Variants in ZNF285 observed in about 807,000 individuals in gnomAD.
The protein encoded by ZNF285 is zinc finger protein 285A.
A neutral mutation model predicts 6.2 loss-of-function variants in ZNF285; 4 were observed. The observed-to-expected ratio is 0.65, with a 90% CI of 0.32 to 1.49. The LOEUF is 1.49. Among genes scored for constraint, ZNF285 ranks in the 40% most tolerant of loss-of-function variants. The pLI, the probability that ZNF285 is intolerant of heterozygous loss-of-function variation, is 0.07. For synonymous variants in ZNF285, 240 were observed against 245.8 expected (o/e 0.98, Z 0.22); for missense variants, 695 against 708.8 (o/e 0.98, Z 0.22).
chr19:44,386,594 G>T lies in ZNF285; in HGVS notation c.1651C>A (p.Arg551Ser). 6.2e-7 allele frequency: 1 copy of T among 1,614,066 alleles called. No individual in the cohort carries two copies. Residue 551 changes from arginine to serine, a missense_variant, in exon 4 of 4, where the codon CGT becomes AGT. By Grantham distance (110) the Arg-to-Ser change is moderately radical. Coordinates refer to ENST00000614994, the MANE Select transcript of ZNF285 (RefSeq NM_152354.6). Reference sequence around the variant, plus strand: ...TGATGGGCAAGGAGGTATGAATTACGACTGAAGCCCTTACCACATGCCTTA... The same window carrying T: ...TGATGGGCAAGGAGGTATGAATTACTACTGAAGCCCTTACCACATGCCTTA... ...KCKACGKGFS[R>S]NSYLLAHQRV... is the part of the protein sequence containing the mutation.
chr19:44,397,828 T>A (rs10418952), intron 1 of ZNF285, among the ~76,000 whole-genome samples: 25,346 of 149,560 alleles, frequency 0.17, 2,781 homozygotes, highest in East Asian at 0.42. Flanking sequence ...CAGTGAGCTG[T>A]GATTGCACCA....
Position 44,386,127 on chromosome 19 carries a change from T to G in ZNF285, c.*345A>C, listed in dbSNP as rs749649809. 1.0e-4 allele frequency: 21 copies of G among 200,014 alleles called. No individual in the cohort carries two copies. The highest frequency in any genetic ancestry group is 1.6e-4 in the Non-Finnish European group (15 of 96,702). The allele number at this position is 200,014 out of a possible 1,614,324, so 12.4% of individuals were successfully genotyped here. On this transcript the variant is annotated 3_prime_UTR_variant, in exon 4 of 4. Coordinates refer to ENST00000614994, the MANE Select transcript of ZNF285 (RefSeq NM_152354.6). ...GGGACTAAAAAAAAATCTAAAGACG[T>G]TGGCTGAACTGAAGACCTTACCATG...
intron 2 of ZNF285, among the ~76,000 whole-genome samples, chr19:44,395,376 C>T (rs192806468): frequency 6.6e-5 from 10 of 152,198 alleles, no homozygotes; most frequent in South Asian, 2.1e-4. Flanking sequence ...GGACACCAAA[C>T]TTGGTTTCTG....
At position 44,397,052 on chromosome 19, in the gene ZNF285, C is replaced by G. The variant is rs181827433; in HGVS notation, c.15+147G>C. ...TTCACTTCTATAAAGGGAGTCAAAC[C>G]ACCTGCCTCACAAAGTCATTATGAG... On this transcript the variant is annotated intron_variant, in intron 2 of 3. Transcript: ENST00000614994. 34 of 1,193,290 alleles carry G rather than the reference C, an allele frequency of 2.8e-5. 1 individual carries two copies. The African/African-American group carries it at 5.1e-4, about 18-fold the overall frequency. 73.9% of individuals were successfully genotyped at this position (1,193,290 alleles called of 1,614,324 possible). A position where few individuals can be genotyped will look rare whatever the true frequency, so the allele number is the denominator to read the frequency against.
intron 3 of ZNF285, among the ~76,000 whole-genome samples, chr19:44,389,084 C>T (rs1395452420): frequency 6.6e-6 from 1 of 150,846 alleles, no homozygotes; most frequent in Non-Finnish European, 1.5e-5. Flanking sequence ...AAGATAGAGA[C>T]CACTCAGATC....
chr19:44,385,273 G>A lies in ZNF285; in HGVS notation c.*1199C>T, dbSNP rs1001764048. ...CACCTATTCTAGTTAATTTTTAATC[G>A]CATTTAAGGTGTGAGCTGACAAACC... On this transcript the variant is annotated 3_prime_UTR_variant, in exon 4 of 4. Coordinates refer to ENST00000614994, the MANE Select transcript of ZNF285 (RefSeq NM_152354.6). The A allele has an allele frequency of 2.0e-5, 3 of 151,968 alleles. No homozygotes were observed. The highest frequency in any genetic ancestry group is 6.6e-5 in the Admixed American group (1 of 15,260). The allele number at this position is 151,968 out of a possible 1,614,324, so 9.4% of individuals were successfully genotyped here.
chr19:44,399,047 CA>C (rs1426094105), intron 1 of ZNF285, among the ~76,000 whole-genome samples: 1 of 151,720 alleles, frequency 6.6e-6, no homozygotes, highest in East Asian at 1.9e-4. Context: ...ATCAATAAGA[CA>C]AAATTTTCAA....
rs781733181 is a variant in ZNF285 at position 44,387,693 on chromosome 19, G to C, written c.552C>G (p.Ser184Arg). The change falls in exon 4 of 4, where the codon AGC (serine) becomes AGG (arginine). Residue 184 changes from serine (S) to arginine (R), a missense_variant. Transcript: ENST00000614994. ...KLYRRAQHDDSLSWTSCDHHE... is the reference protein window; with the variant it reads ...KLYRRAQHDDRLSWTSCDHHE... ...GATGATCACATGAGGTCCAACTGAG[G>C]CTGTCATCATGCTGAGCACGTCTGT... 6.2e-7 allele frequency: 1 copy of C among 1,613,794 alleles called. No individual in the cohort carries two copies. The highest frequency in any genetic ancestry group is 1.1e-5 in the South Asian group (1 of 91,062).
At chr19:44,391,106 A>C (rs1971187430) in intron 3 of ZNF285, among the ~76,000 whole-genome samples, 1 of 151,334 alleles carries the variant, frequency 6.6e-6, no homozygotes, top group Non-Finnish European at 1.5e-5. Flanking sequence ...GTGAGCCAAG[A>C]TAGCACCACT....
intron 2 of ZNF285, among the ~76,000 whole-genome samples, chr19:44,394,899 C>T (rs1052363732): frequency 7.2e-5 from 11 of 152,100 alleles, no homozygotes; most frequent in African/African-American, 2.4e-4. Flanking sequence ...TGGGAGGCAA[C>T]AAAATTGAAT....
In ZNF285 at chr19:44,397,179, G is replaced by T; in HGVS notation, c.15+20C>A. On this transcript the variant is annotated intron_variant, in intron 2 of 3. Transcript: ENST00000614994. ...TCAGAATGAACAGCATATTTAAAGA[G>T]AAAGAAACCCTTAACTTACCTGGAA... The T allele has an allele frequency of 1.2e-6, 2 of 1,613,834 alleles. No individual in the cohort carries two copies. The highest frequency in any genetic ancestry group is 1.1e-5 in the South Asian group (1 of 91,072).
chr19:44,383,096 T>C lies in ZNF285; in HGVS notation c.*3376A>G, dbSNP rs1311719292. ...CATAGTAATGCTATGAATTTTCACA[T>C]GCCAATTTCGTGTGAAACCAATTTG... On this transcript the variant is annotated 3_prime_UTR_variant, in exon 4 of 4. Coordinates refer to ENST00000614994, the MANE Select transcript of ZNF285 (RefSeq NM_152354.6). 2 of 152,240 alleles carry C rather than the reference T, an allele frequency of 1.3e-5. No homozygotes were observed. Among genetic ancestry groups the C allele is most frequent in the African/African-American group, 2.4e-5 (1 of 41,466 alleles). 9.4% of individuals were successfully genotyped at this position (152,240 alleles called of 1,614,324 possible). A position where few individuals can be genotyped will look rare whatever the true frequency, so the allele number is the denominator to read the frequency against.
chr19:44,386,633 T>A lies in ZNF285; in HGVS notation c.1612A>T (p.Arg538Trp), dbSNP rs765248082. The change falls in exon 4 of 4, where the codon AGG becomes TGG. Residue 538 changes from arginine to tryptophan, a missense_variant. Physicochemically the swap from Arg to Trp is moderately radical, Grantham distance 101 (BLOSUM62 -3). Coordinates refer to ENST00000614994, the MANE Select transcript of ZNF285 (RefSeq NM_152354.6). ...CCACATGCCTTACACTTATAGGGCC[T>A]CTCTCCTGTGTGGACTCTGAGGTGA... Reference protein sequence around the residue: ...NVHLRVHTGERPYKCKACGKG... With the variant: ...NVHLRVHTGEWPYKCKACGKG... The A allele has an allele frequency of 6.2e-7, 1 of 1,614,076 alleles. No individual in the cohort carries two copies. Among genetic ancestry groups the A allele is most frequent in the Non-Finnish European group, 8.5e-7 (1 of 1,180,038 alleles).
intron 2 of ZNF285, chr19:44,394,576 T>TA: frequency 1.7e-6 from 1 of 577,308 alleles, no homozygotes. Flanking sequence ...AAGAAAATTT[T>TA]AAAAAATTAA....
chr19:44,395,018 C>G (rs1971256882), intron 2 of ZNF285, among the ~76,000 whole-genome samples: 1 of 152,094 alleles, frequency 6.6e-6, no homozygotes. Flanking sequence ...TCCTCATTCT[C>G]CCTTCTCTGC....
At position 44,388,149 on chromosome 19, in the gene ZNF285, A is replaced by G. The variant is rs150033757; in HGVS notation, c.143-47T>C. On this transcript the variant is annotated intron_variant, in intron 3 of 3. Transcript: ENST00000614994. ...GGCTAAGAGAACAAGTCAATCATCCATCCAGAGGTTTTGAGAAAATGTAAT... is the reference window on the plus strand; with the variant it reads ...GGCTAAGAGAACAAGTCAATCATCCGTCCAGAGGTTTTGAGAAAATGTAAT... 4,265 of 1,545,430 alleles carry G rather than the reference A, an allele frequency of 2.8e-3. 35 individuals carry two copies. The highest frequency in any genetic ancestry group is 0.019 in the African/African-American group (1,411 of 72,602).
chr19:44,388,162 G>C (rs1971131062), intron 3 of ZNF285, 60 bp from the exon 4 acceptor site: 5 of 1,498,462 alleles, frequency 3.3e-6, no homozygotes, highest in East Asian at 2.3e-5. Context: ...CAGAGGTTTT[G>C]AGAAAATGTA....
chr19:44,400,427 A>T (rs1463813580), intron 1 of ZNF285, among the ~76,000 whole-genome samples: 1 of 152,100 alleles, frequency 6.6e-6, no homozygotes, highest in African/African-American at 2.4e-5. Flanking sequence ...AACTTTATCA[A>T]ATATACAGAG....
intron 1 of ZNF285, among the ~76,000 whole-genome samples, chr19:44,400,465 G>C (rs1971356504): frequency 6.6e-6 from 1 of 152,226 alleles, no homozygotes; most frequent in Non-Finnish European, 1.5e-5. Context: ...TTTGTTGAGT[G>C]TAATTTAACA....
Sources: allele counts gnomAD v4.1 joint callset (sites outside exome capture counted in the v4.1 genomes callset), GRCh38; gene constraint gnomAD v4.1.1; transcripts MANE v1.5; gene names NCBI Gene and HGNC (gene_info 2026-07-23, HGNC 2026-07-21).